The following KLHL29 variants were observed in gnomAD, a reference collection of about 807,000 sequenced individuals.
KLHL29 encodes the protein kelch like family member 29, also known as kelch-like protein 29.
A neutral mutation model predicts 80.4 loss-of-function variants in KLHL29; 21 were observed. The observed-to-expected ratio is 0.26, with a 90% CI of 0.19 to 0.38. The LOEUF is 0.38. KLHL29 is among the 10% of genes least tolerant of loss of function. KLHL29 has a pLI of 1.00. For synonymous variants in KLHL29, 511 were observed against 526.8 expected, an observed-to-expected ratio of 0.97 and a Z score of 0.41; for missense variants, 867 against 1,223.9, an observed-to-expected ratio of 0.71 and a Z score of 4.35.
At chr2:23,661,959 G>C (rs532223797) in intron 5 of KLHL29, among the ~76,000 whole-genome samples, 1 of 152,232 alleles carries the variant, frequency 6.6e-6, no homozygotes, top group African/African-American at 2.4e-5. Flanking sequence ...TGTATCCAGC[G>C]CTTGGCACAT....
chr2:23,703,795 C>T lies in KLHL29; in HGVS notation c.2376C>T (p.Thr792=). The T allele has an allele frequency of 6.5e-7, 1 of 1,537,470 alleles. No homozygotes were observed. Among genetic ancestry groups the T allele is most frequent in the Non-Finnish European group, 8.7e-7 (1 of 1,146,960 alleles). Residue 792 remains threonine (T), a synonymous_variant, in exon 13 of 14, where the codon ACC becomes ACT. Transcript: ENST00000486442. ...GCGGGGCTTATGCCAGAGCTACCAC[C>T]ATCTACGACCCTGAGAAAGGAAACA... The part of the protein sequence containing the change: ...ILGGAYARAT[T]IYDPEKGNIK...
intron 1 of KLHL29, among the ~76,000 whole-genome samples, chr2:23,443,619 A>G (rs1047218536): frequency 6.6e-6 from 1 of 152,174 alleles, no homozygotes; most frequent in Non-Finnish European, 1.5e-5. Flanking sequence ...TATCCCCTGT[A>G]TCTCCTGTAA....
rs3795942 is a variant in KLHL29 at position 23,696,505 on chromosome 2, C to T, written c.2097C>T (p.His699=). The T allele has an allele frequency of 0.56, 851,106 of 1,524,666 alleles. 241,343 individuals are homozygous for T. The highest frequency in any genetic ancestry group is 0.81 in the East Asian group (33,146 of 40,852). The allele number at this position is 1,524,666 out of a possible 1,614,324, so 94.4% of individuals were successfully genotyped here. A position where few individuals can be genotyped will look rare whatever the true frequency, so the allele number is the denominator to read the frequency against. The change falls in exon 11 of 14, where the codon CAC becomes CAT. Residue 699 remains histidine (H), a synonymous_variant. Coordinates refer to ENST00000486442, the MANE Select transcript of KLHL29 (RefSeq NM_052920.2). The surrounding 1 kb of genome is among the most constrained non-coding windows in gnomAD (Gnocchi z 5.5). ...GGLGVAGNVD[H]VERYDTITNQ... is the part of the protein sequence containing the mutation. ...TTGGCGTGGCAGGCAACGTGGACCA[C>T]GTGGAGAGGTAATGAGGCCACGGTC...
intron 11 of KLHL29, chr2:23,698,035 G>T (rs1055496536): frequency 6.6e-6 from 1 of 152,226 alleles, no homozygotes; most frequent in Non-Finnish European, 1.5e-5. Flanking sequence ...ATAGGGATTT[G>T]TTCAAGGATC....
chr2:23,398,309 A>G (rs1184329075), intron 1 of KLHL29, among the ~76,000 whole-genome samples: 1 of 152,272 alleles, frequency 6.6e-6, no homozygotes, highest in East Asian at 1.9e-4. Flanking sequence ...GACACACGCT[A>G]TAGCGTGGAT....
intron 1 of KLHL29, among the ~76,000 whole-genome samples, chr2:23,472,862 T>C (rs1558350815): frequency 6.6e-6 from 1 of 152,230 alleles, no homozygotes; most frequent in South Asian, 2.1e-4. Context: ...TTCCAGGGTC[T>C]TGCTTTTAAC....
At chr2:23,662,102 C>G (rs1399695572) in intron 5 of KLHL29, among the ~76,000 whole-genome samples, 1 of 152,184 alleles carries the variant, frequency 6.6e-6, no homozygotes, top group Non-Finnish European at 1.5e-5. Flanking sequence ...GAGGGTAGAA[C>G]CCAGGAGGAT....
At chr2:23,701,256 C>T (rs1672349214) in intron 11 of KLHL29, among the ~76,000 whole-genome samples, 2 of 152,180 alleles carry the variant, frequency 1.3e-5, no homozygotes, top group Admixed American at 1.3e-4. Context: ...ACTCTTTTGT[C>T]ATTCCTTGGT....
intron 2 of KLHL29, among the ~76,000 whole-genome samples, chr2:23,494,263 A>G (rs574480349): frequency 1.3e-5 from 2 of 152,350 alleles, no homozygotes; most frequent in African/African-American, 2.4e-5. Flanking sequence ...TTAATTGACT[A>G]TGGCAACTGA....
intron 1 of KLHL29, among the ~76,000 whole-genome samples, chr2:23,468,584 C>G (rs1664413760): frequency 6.6e-6 from 1 of 152,212 alleles, no homozygotes; most frequent in South Asian, 2.1e-4. Flanking sequence ...ATCTGTGGAC[C>G]AGACTGGCTC....
chr2:23,657,781 G>A lies in KLHL29; in HGVS notation c.940+14931G>A, dbSNP rs561891096. Among the ~76,000 whole-genome samples, 7 of 152,256 alleles carry A rather than the reference G, an allele frequency of 4.6e-5. No homozygotes were observed. The South Asian group carries it at 8.3e-4, about 18-fold the overall frequency. ...TGAGAGCTGTGCCTCGGGAGTGGGG[G>A]ACCGGCCTCGCCTAAGAAGGCTGGT... On this transcript the variant is annotated intron_variant, in intron 5 of 13. Transcript: ENST00000486442.
intron 5 of KLHL29, among the ~76,000 whole-genome samples, chr2:23,652,517 G>C (rs10167185): frequency 0.18 from 27,166 of 152,056 alleles, 2,683 homozygotes; most frequent in Non-Finnish European, 0.21. Context: ...AAGATCTCCA[G>C]TGGCCTCAGC....
intron 1 of KLHL29, among the ~76,000 whole-genome samples, chr2:23,419,772 G>A (rs896431771): frequency 6.6e-6 from 1 of 152,136 alleles, no homozygotes; most frequent in Non-Finnish European, 1.5e-5. Flanking sequence ...GCTTTGGGGT[G>A]CGGCTGGTCT....
At chr2:23,627,448 G>C (rs1029174529) in intron 3 of KLHL29, among the ~76,000 whole-genome samples, 1 of 152,226 alleles carries the variant, frequency 6.6e-6, no homozygotes, top group African/African-American at 2.4e-5. Flanking sequence ...CCACCACGGA[G>C]CGGTCATTTC....
At chr2:23,693,966 C>T (rs551917255) in intron 8 of KLHL29, among the ~76,000 whole-genome samples, 3 of 152,324 alleles carry the variant, frequency 2.0e-5, no homozygotes, top group Non-Finnish European at 4.4e-5. Context: ...AGAGGGCTCC[C>T]GCCCCAGATC....
intron 2 of KLHL29, among the ~76,000 whole-genome samples, chr2:23,537,838 G>A (rs1666719478): frequency 6.6e-6 from 1 of 152,160 alleles, no homozygotes; most frequent in South Asian, 2.1e-4. Context: ...TTGGATCCTG[G>A]TTTGACACTT....
At chr2:23,474,385 A>G (rs1032846817) in intron 1 of KLHL29, among the ~76,000 whole-genome samples, 7 of 152,240 alleles carry the variant, frequency 4.6e-5, no homozygotes, top group Admixed American at 3.9e-4. Context: ...ATCGATCACC[A>G]GTATTGCCAA....
intron 2 of KLHL29, among the ~76,000 whole-genome samples, chr2:23,487,907 G>A (rs532272977): frequency 6.6e-6 from 1 of 152,324 alleles, no homozygotes; most frequent in Non-Finnish European, 1.5e-5. Flanking sequence ...TGGGCCGTGT[G>A]GTGGGAGAAG....
chr2:23,545,144 C>T (rs1206427852), intron 2 of KLHL29, among the ~76,000 whole-genome samples: 3 of 152,118 alleles, frequency 2.0e-5, no homozygotes, highest in Admixed American at 6.5e-5. Flanking sequence ...GGAGGAAACA[C>T]AGCTGCCAGC....
Sources: allele counts gnomAD v4.1 joint callset (sites outside exome capture counted in the v4.1 genomes callset), GRCh38; gene constraint gnomAD v4.1.1; non-coding constraint Gnocchi (gnomAD v3.1); transcripts MANE v1.5; gene names NCBI Gene and HGNC (gene_info 2026-07-23, HGNC 2026-07-21).